SLC9A1: variants seen among roughly 807,000 people sequenced by gnomAD.
SLC9A1 encodes the protein sodium/hydrogen exchanger 1.
A neutral mutation model predicts 67.9 loss-of-function variants in SLC9A1; 22 were observed. The observed-to-expected ratio is 0.32, with a 90% confidence interval of 0.23 to 0.46. SLC9A1 has a LOEUF of 0.46. Ranked by LOEUF, SLC9A1 falls within the 20% of genes least tolerant of loss-of-function variation. The probability of loss-of-function intolerance (pLI) is 1.00; values close to 1 mark genes in which losing one functional copy is unlikely to be tolerated. For missense variants in SLC9A1, 686 were observed against 1,094.8 expected (o/e 0.63, Z 5.27); for synonymous variants, 421 against 471.8 (o/e 0.89, Z 1.40).
intron 1 of SLC9A1, among the ~76,000 whole-genome samples, chr1:27,150,806 G>A (rs901634669): frequency 3.3e-5 from 5 of 152,026 alleles, no homozygotes; most frequent in Admixed American, 1.3e-4. Context: ...GAGTCTACCC[G>A]AGGCTCTGCT....
intron 5 of SLC9A1, among the ~76,000 whole-genome samples, chr1:27,104,320 G>A (rs1366334076): frequency 1.3e-5 from 2 of 152,120 alleles, no homozygotes; most frequent in Non-Finnish European, 2.9e-5. Flanking sequence ...GACCTCAGGC[G>A]ATCCGCCTGC....
At chr1:27,126,101 A>G (rs2083342240) in intron 1 of SLC9A1, among the ~76,000 whole-genome samples, 1 of 152,050 alleles carries the variant, frequency 6.6e-6, no homozygotes, top group Admixed American at 6.6e-5. Context: ...ATGTAGGTGA[A>G]TGACAGATTC....
chr1:27,100,749 A>G lies in SLC9A1; in HGVS notation c.2111-105T>C, dbSNP rs924158884. On this transcript the variant is annotated intron_variant, in intron 11 of 11. Coordinates refer to ENST00000263980, the MANE Select transcript of SLC9A1 (RefSeq NM_003047.5). The surrounding 1 kb of genome is among the most constrained non-coding windows in gnomAD (Gnocchi z 5.6). ...CTCCTTCAGGCCTTCTCATGAGCAC[A>G]GCCGTCCCGGTCCCAACAGGCCTCA... is the stretch of plus-strand genomic sequence containing the variant. The G allele has an allele frequency of 3.3e-6, 3 of 904,564 alleles. No individual in the cohort carries two copies. The highest frequency in any genetic ancestry group is 3.3e-5 in the African/African-American group (2 of 60,080). 56.0% of individuals were successfully genotyped at this position (904,564 alleles called of 1,614,324 possible).
intron 5 of SLC9A1, among the ~76,000 whole-genome samples, chr1:27,104,723 G>C (rs1451878583): frequency 1.3e-5 from 2 of 152,084 alleles, no homozygotes; most frequent in African/African-American, 4.8e-5. Context: ...AATAAGCCCA[G>C]CCCCAGGTTT....
At chr1:27,123,804 C>T (rs1000434808) in intron 1 of SLC9A1, among the ~76,000 whole-genome samples, 3 of 151,924 alleles carry the variant, frequency 2.0e-5, no homozygotes, top group South Asian at 2.1e-4. Context: ...AGCCACCGCG[C>T]CCAGCCCTTT....
At chr1:27,121,112 T>C (rs1203475211) in intron 1 of SLC9A1, among the ~76,000 whole-genome samples, 4 of 152,132 alleles carry the variant, frequency 2.6e-5, no homozygotes, top group Non-Finnish European at 5.9e-5. Flanking sequence ...TCCTTCCCCA[T>C]ACCCGGGCAA....
intron 6 of SLC9A1, 177 bp from the exon 7 acceptor site, chr1:27,102,920 C>A: frequency 1.6e-6 from 1 of 642,282 alleles, no homozygotes; most frequent in Non-Finnish European, 2.8e-6. Flanking sequence ...GGCCCTGACT[C>A]TGGGTATCTC....
rs2083137797 is a variant in SLC9A1 at position 27,100,851 on chromosome 1, C to T, written c.2111-207G>A. Among the ~76,000 whole-genome samples the T allele has an allele frequency of 6.6e-6, 1 of 152,210 alleles. No homozygotes were observed. The highest frequency in any genetic ancestry group is 1.5e-5 in the Non-Finnish European group (1 of 68,030). On this transcript the variant is annotated intron_variant, in intron 11 of 11. Coordinates refer to ENST00000263980, the MANE Select transcript of SLC9A1 (RefSeq NM_003047.5). The surrounding 1 kb of genome is among the most constrained non-coding windows in gnomAD (Gnocchi z 5.6). Reference sequence around the variant, plus strand: ...GGCCCTCTCCTTTGACAGGGGCTCCCAGAGGTGTCCCTCCACAGGCCAAGG... The same window carrying T: ...GGCCCTCTCCTTTGACAGGGGCTCCTAGAGGTGTCCCTCCACAGGCCAAGG...
In SLC9A1 at chr1:27,122,738, C is replaced by T. The variant is rs982085213; in HGVS notation, c.353-8452G>A. On this transcript the variant is annotated intron_variant, in intron 1 of 11. Coordinates refer to ENST00000263980, the MANE Select transcript of SLC9A1 (RefSeq NM_003047.5). ...AACCAGCCTGACCTTCCCAATCATCCAAGCTCTGCATAAACATTTGTTGAA... is the reference window on the plus strand; with the variant it reads ...AACCAGCCTGACCTTCCCAATCATCTAAGCTCTGCATAAACATTTGTTGAA... 9.8e-5 allele frequency among the ~76,000 whole-genome samples: 15 copies of T among 152,338 alleles called. 1 individual carries two copies. Among genetic ancestry groups the T allele is most frequent in the Middle Eastern group, 6.8e-3 (2 of 294 alleles).
chr1:27,124,981 T>C (rs947269701), intron 1 of SLC9A1, among the ~76,000 whole-genome samples: 1 of 151,794 alleles, frequency 6.6e-6, no homozygotes, highest in East Asian at 1.9e-4. Context: ...TGACAGGAAA[T>C]TCTTATTTTC....
In SLC9A1 at chr1:27,103,398, C is replaced by T; in HGVS notation, c.1486-86G>A. 4.2e-6 allele frequency: 4 copies of T among 942,808 alleles called. No homozygotes were observed. The Admixed American group carries it at 6.8e-5, about 16-fold the overall frequency. The allele number at this position is 942,808 out of a possible 1,614,324, so 58.4% of individuals were successfully genotyped here. ...GCCTCCCTCCCTCACCCCAGGCCCC[C>T]AAGGCTAGGATGCCCTCTCTGCTCT... On this transcript the variant is annotated intron_variant, in intron 5 of 11. Transcript: ENST00000263980.
Position 27,155,046 on chromosome 1 carries a change from G to C in SLC9A1, c.-712C>G, listed in dbSNP as rs1192336134. The C allele has an allele frequency of 6.6e-6, 1 of 152,378 alleles. No homozygotes were observed. The highest frequency in any genetic ancestry group is 2.4e-5 in the African/African-American group (1 of 41,424). The allele number at this position is 152,378 out of a possible 1,614,324, so 9.4% of individuals were successfully genotyped here. A position where few individuals can be genotyped will look rare whatever the true frequency, so the allele number is the denominator to read the frequency against. ...CCTCGCGGCCCTGGCGCGACGCGGCGCTCCGCCCCGGCCCAGCTGCAGCTC... is the reference window on the plus strand; with the variant it reads ...CCTCGCGGCCCTGGCGCGACGCGGCCCTCCGCCCCGGCCCAGCTGCAGCTC... On this transcript the variant is annotated 5_prime_UTR_variant, in exon 1 of 12. Transcript: ENST00000263980. The surrounding 1 kb of genome is among the most constrained non-coding windows in gnomAD (Gnocchi z 4.5).
chr1:27,108,565 C>CT (rs1017842172), intron 3 of SLC9A1, among the ~76,000 whole-genome samples: 2 of 152,056 alleles, frequency 1.3e-5, no homozygotes, highest in Non-Finnish European at 2.9e-5. Flanking sequence ...GTAATCCCAC[C>CT]TAATTGAGAG....
intron 2 of SLC9A1, 65 bp downstream of exon 2, chr1:27,113,761 T>C: frequency 8.2e-7 from 1 of 1,213,794 alleles, no homozygotes; most frequent in East Asian, 2.3e-5. Flanking sequence ...GATGAGGGAT[T>C]CACTGGTGGG....
chr1:27,151,509 C>T (rs904693973), intron 1 of SLC9A1, among the ~76,000 whole-genome samples: 28 of 152,066 alleles, frequency 1.8e-4, no homozygotes, highest in Middle Eastern at 3.4e-3. Context: ...TACAGGCAGC[C>T]GCCACCATGC....
At chr1:27,113,772 C>T (rs2124154592) in intron 2 of SLC9A1, 54 bp downstream of exon 2, 1 of 1,356,888 alleles carries the variant, frequency 7.4e-7, no homozygotes, top group Non-Finnish European at 1.0e-6. Context: ...CACTGGTGGG[C>T]CTGGATTTGG....
rs1465956100 is a variant in SLC9A1, at chr1:27,106,825, C to G, written c.1283-738G>C. ...CTGTCTTGAGACAGTGCAGAGAGCA[C>G]TCAGCTCAGAGTCACAGACCTGGGT... On this transcript the variant is annotated intron_variant, in intron 4 of 11. Coordinates refer to ENST00000263980, the MANE Select transcript of SLC9A1 (RefSeq NM_003047.5). This position sits in a 1 kb window ranked among gnomAD's most constrained non-coding sequence, Gnocchi z 4.3. Among the ~76,000 whole-genome samples, 1 of 152,002 alleles carries G rather than the reference C, an allele frequency of 6.6e-6. No individual in the cohort carries two copies. Among genetic ancestry groups the G allele is most frequent in the African/African-American group, 2.4e-5 (1 of 41,342 alleles).
intron 2 of SLC9A1, among the ~76,000 whole-genome samples, chr1:27,110,002 C>T (rs1318166964): frequency 6.6e-6 from 1 of 152,188 alleles, no homozygotes; most frequent in Non-Finnish European, 1.5e-5. Context: ...AGGGTGGGCC[C>T]TGGGAAGCTC....
chr1:27,105,561 T>C, intron 5 of SLC9A1: 1 of 625,084 alleles, frequency 1.6e-6, no homozygotes, highest in South Asian at 1.9e-5. Context: ...CCTCCCAAAG[T>C]GCTGGGATTA....
Sources: gnomAD v4.1 joint callset for allele counts (sites outside exome capture counted in the v4.1 genomes callset) on GRCh38, gnomAD v4.1.1 for gene constraint, Gnocchi (gnomAD v3.1) non-coding constraint, MANE v1.5 for transcripts, NCBI Gene and HGNC (gene_info 2026-07-23, HGNC 2026-07-21) for gene names.